Variants in RIMS2 observed in about 807,000 individuals in gnomAD.
RIMS2 encodes regulating synaptic membrane exocytosis protein 2.
Under a neutral mutation model 174.4 loss-of-function variants are expected in RIMS2, and 59 were observed. The ratio of observed to expected loss-of-function variants is 0.34; its 90% CI spans 0.27 to 0.42. The LOEUF is 0.42. RIMS2 is among the 10% of genes least tolerant of loss of function. RIMS2 has a pLI of 1.00. For synonymous variants in RIMS2, 606 were observed against 572.5 expected (o/e 1.06, Z -0.84); for missense variants, 1,620 against 1,666.3 (o/e 0.97, Z 0.48).
chr8:103,686,882 C>T (rs1172797960), intron 1 of RIMS2, among the ~76,000 whole-genome samples: 3 of 152,032 alleles, frequency 2.0e-5, no homozygotes, highest in East Asian at 1.9e-4. Context: ...CTGCCTCAGC[C>T]TCTTGGGTAG....
intron 19 of RIMS2, among the ~76,000 whole-genome samples, chr8:104,022,007 A>G (rs1281533436): frequency 6.6e-6 from 1 of 152,212 alleles, no homozygotes; most frequent in Non-Finnish European, 1.5e-5. Context: ...GGATTCAGTC[A>G]TCAGTCGCAG....
At chr8:103,762,984 G>A (rs926982001) in intron 2 of RIMS2, among the ~76,000 whole-genome samples, 1 of 152,074 alleles carries the variant, frequency 6.6e-6, no homozygotes, top group African/African-American at 2.4e-5. Context: ...TTCTATATAT[G>A]GTCTTTTGTT....
chr8:103,735,884 T>A (rs538335443), intron 2 of RIMS2, among the ~76,000 whole-genome samples: 2 of 152,300 alleles, frequency 1.3e-5, no homozygotes, highest in Admixed American at 1.3e-4. Context: ...CTAGTTTATC[T>A]TTTCATTAAA....
At chr8:103,761,748 T>C (rs1018279409) in intron 2 of RIMS2, among the ~76,000 whole-genome samples, 8 of 152,218 alleles carry the variant, frequency 5.3e-5, no homozygotes, top group African/African-American at 1.9e-4. Context: ...ACTTGATCAA[T>C]TTATACTCTT....
At chr8:103,976,463 A>G (rs1440781104) in intron 16 of RIMS2, 1 of 152,234 alleles carries the variant, frequency 6.6e-6, no homozygotes, top group African/African-American at 2.4e-5. Context: ...AATTTAATAT[A>G]TAGGAAATAA....
chr8:103,587,846 C>T (rs1054304772), intron 1 of RIMS2, among the ~76,000 whole-genome samples: 3 of 152,012 alleles, frequency 2.0e-5, no homozygotes, highest in Admixed American at 1.3e-4. Context: ...AGACCTGGAA[C>T]GTGACAGTGA....
rs1386763133 is a variant in RIMS2 at position 104,064,304 on chromosome 8, T to C, written c.3334+49689T>C. Among the ~76,000 whole-genome samples the C allele has an allele frequency of 2.0e-5, 3 of 152,276 alleles. No homozygotes were observed. The East Asian group carries it at 5.8e-4, about 29-fold the overall frequency. Reference sequence around the variant, plus strand: ...ATAAGTTAAATCAAGAGCAACAAAATATTGGATTTTTTTTCGTCAGTGGCT... The same window carrying C: ...ATAAGTTAAATCAAGAGCAACAAAACATTGGATTTTTTTTCGTCAGTGGCT... On this transcript the variant is annotated intron_variant, in intron 19 of 23. Coordinates refer to ENST00000504942, the Ensembl canonical transcript of RIMS2.
chr8:103,500,914 C>A (rs1435665633), exon 1 of RIMS2: 1 of 1,605,402 alleles, frequency 6.2e-7, no homozygotes, highest in Admixed American at 1.7e-5. Context: ...GCCCCGGGGC[C>A]GCCTGGCTCC....
intron 1 of RIMS2, among the ~76,000 whole-genome samples, chr8:103,544,217 G>A (rs967573536): frequency 1.3e-5 from 2 of 152,178 alleles, no homozygotes; most frequent in Admixed American, 6.5e-5. Context: ...TGTTGTCCGG[G>A]GAAACACCTG....
At chr8:103,984,152 C>G (rs1001329842) in intron 16 of RIMS2, among the ~76,000 whole-genome samples, 3 of 150,592 alleles carry the variant, frequency 2.0e-5, no homozygotes, top group Non-Finnish European at 1.5e-5. Context: ...CCAGCCTGGG[C>G]GACAGAGCGA....
intron 19 of RIMS2, among the ~76,000 whole-genome samples, chr8:104,193,662 C>G (rs550567015): frequency 1.3e-5 from 2 of 152,256 alleles, no homozygotes; most frequent in Admixed American, 6.5e-5. Context: ...CATCTAATAT[C>G]AGCATTAGTG....
At chr8:103,538,006 A>G (rs1306257472) in intron 1 of RIMS2, among the ~76,000 whole-genome samples, 1 of 152,160 alleles carries the variant, frequency 6.6e-6, no homozygotes, top group African/African-American at 2.4e-5. Context: ...TTGACAATAT[A>G]TGGAATATGT....
chr8:104,170,903 A>G (rs1329937024), intron 19 of RIMS2, among the ~76,000 whole-genome samples: 2 of 152,114 alleles, frequency 1.3e-5, no homozygotes, highest in Non-Finnish European at 2.9e-5. Context: ...TCGCTCCTTC[A>G]TTAATGAAGC....
At chr8:104,190,117 CATA>C (rs1448375249) in intron 19 of RIMS2, among the ~76,000 whole-genome samples, 1 of 151,960 alleles carries the variant, frequency 6.6e-6, no homozygotes, top group African/African-American at 2.4e-5. Flanking sequence ...AGCCTGACAA[CATA>C]ATAAGACCTT....
At chr8:103,960,564 T>G (rs1595875752) in intron 14 of RIMS2, among the ~76,000 whole-genome samples, 1 of 152,186 alleles carries the variant, frequency 6.6e-6, no homozygotes, top group African/African-American at 2.4e-5. Flanking sequence ...TGAATTATAC[T>G]TTCTCTCCAT....
chr8:103,657,954 G>C lies in RIMS2; in HGVS notation c.177-39132G>C, dbSNP rs551445460. On this transcript the variant is annotated intron_variant, in intron 1 of 23. Transcript: ENST00000504942. The stretch of plus-strand genomic sequence containing the variant: ...TGGCTGTATTTAAAATCTAGACCCA[G>C]TTAGCCACTTGAGTTCCACCTTGAA... Among the ~76,000 whole-genome samples, 5 of 152,314 alleles carry C rather than the reference G, an allele frequency of 3.3e-5. No homozygotes were observed. In the East Asian group the frequency reaches 9.7e-4, roughly 29 times the overall value.
At chr8:103,784,995 A>G (rs1160441563) in intron 3 of RIMS2, among the ~76,000 whole-genome samples, 1 of 141,662 alleles carries the variant, frequency 7.1e-6, no homozygotes, top group Non-Finnish European at 1.5e-5. Context: ...ATCCCTTGTA[A>G]GTTGGATTCC....
intron 3 of RIMS2, among the ~76,000 whole-genome samples, chr8:103,801,691 A>C (rs2098608986): frequency 6.6e-6 from 1 of 152,172 alleles, no homozygotes; most frequent in Admixed American, 6.5e-5. Flanking sequence ...ATTGTCATTC[A>C]CCTTTACCTT....
intron 19 of RIMS2, among the ~76,000 whole-genome samples, chr8:104,244,321 T>A (rs1241135081): frequency 1.3e-5 from 2 of 152,228 alleles, no homozygotes; most frequent in African/African-American, 4.8e-5. Flanking sequence ...TTCTGAAAGT[T>A]ACCAATAGAT....
Sources: allele counts gnomAD v4.1 joint callset (sites outside exome capture counted in the v4.1 genomes callset), GRCh38; gene constraint gnomAD v4.1.1; transcripts MANE v1.5; gene names NCBI Gene and HGNC (gene_info 2026-07-23, HGNC 2026-07-21).